The following PPP2R2A variants were observed in gnomAD, a reference collection of about 807,000 sequenced individuals.
The protein encoded by PPP2R2A is serine/threonine-protein phosphatase 2A 55 kDa regulatory subunit B alpha isoform.
Under a neutral mutation model 53.2 loss-of-function variants are expected in PPP2R2A, and 9 were observed. That is an observed-to-expected ratio of 0.17 (90% CI 0.10 to 0.30). The LOEUF is 0.30. PPP2R2A is among the 10% of genes least tolerant of loss of function. The pLI is 1.00. For synonymous variants in PPP2R2A, 169 were observed against 174.2 expected (o/e 0.97, Z 0.23); for missense variants, 235 against 534.6 (o/e 0.44, Z 5.53).
chr8:26,332,559 C>T (rs1803441755), intron 2 of PPP2R2A, among the ~76,000 whole-genome samples: 1 of 151,934 alleles, frequency 6.6e-6, no homozygotes, highest in Non-Finnish European at 1.5e-5. Flanking sequence ...TAGGATACTC[C>T]TTTGATTTTT....
intron 7 of PPP2R2A, chr8:26,363,105 T>G (rs1027930318): frequency 1.8e-5 from 6 of 331,586 alleles, no homozygotes; most frequent in Non-Finnish European, 3.3e-5. Flanking sequence ...TAACTTGCGG[T>G]TGGGCTCTGT....
At chr8:26,325,591 A>C (rs536263709) in intron 2 of PPP2R2A, among the ~76,000 whole-genome samples, 337 of 152,342 alleles carry the variant, frequency 2.2e-3, no homozygotes, top group Non-Finnish European at 3.7e-3. Context: ...ATTCAGCTGC[A>C]TAAGTACCTG....
intron 2 of PPP2R2A, among the ~76,000 whole-genome samples, chr8:26,331,141 C>CT (rs1803354009): frequency 6.6e-6 from 1 of 152,158 alleles, no homozygotes; most frequent in Admixed American, 6.5e-5. Context: ...GTTGTAGCTG[C>CT]TTTAACCTCT....
chr8:26,355,464 GAATTCCTGGGCTCA>G (rs1804727110), intron 4 of PPP2R2A, among the ~76,000 whole-genome samples: 1 of 152,182 alleles, frequency 6.6e-6, no homozygotes, highest in East Asian at 1.9e-4. Context: ...GGCTGGTCTT[GAATTCCTGGGCTCA>G]AGCAGTCTGC....
intron 2 of PPP2R2A, among the ~76,000 whole-genome samples, chr8:26,331,997 G>A (rs1348796036): frequency 6.6e-6 from 1 of 152,114 alleles, no homozygotes; most frequent in African/African-American, 2.4e-5. Flanking sequence ...AGCATCTTAA[G>A]GAATGGATCC....
In PPP2R2A at chr8:26,360,441, A is replaced by C. The variant is rs1321299664; in HGVS notation, c.459+160A>C. On this transcript the variant is annotated intron_variant, in intron 5 of 9. Transcript: ENST00000380737. This position sits in a 1 kb window ranked among gnomAD's most constrained non-coding sequence, Gnocchi z 4.5. ...ATTGAGTAACTCATTTAAACATAGA[A>C]ACTGACCTACATAGAGGTCTCACTT... 6.6e-6 allele frequency among the ~76,000 whole-genome samples: 1 copy of C among 152,206 alleles called. No individual in the cohort carries two copies. The highest frequency in any genetic ancestry group is 2.4e-5 in the African/African-American group (1 of 41,462).
rs764825800 is a variant in PPP2R2A at position 26,370,440 on chromosome 8, A to G, written c.*27A>G. 1 of 1,606,700 alleles carries G rather than the reference A, an allele frequency of 6.2e-7. No individual in the cohort carries two copies. The highest frequency in any genetic ancestry group is 1.1e-5 in the South Asian group (1 of 90,744). ...GTTGGCATTCCTAGCAGAAGAACCC[A>G]CTTCCTGCTTAGTTGAGATAGTTGA... is the stretch of plus-strand genomic sequence containing the variant. On this transcript the variant is annotated 3_prime_UTR_variant, in exon 10 of 10. Coordinates refer to ENST00000380737, the MANE Select transcript of PPP2R2A (RefSeq NM_002717.4). The surrounding 1 kb of genome is among the most constrained non-coding windows in gnomAD (Gnocchi z 6.1).
At chr8:26,349,473 C>T (rs1563315592) in intron 3 of PPP2R2A, among the ~76,000 whole-genome samples, 2 of 152,164 alleles carry the variant, frequency 1.3e-5, no homozygotes, top group Non-Finnish European at 2.9e-5. Context: ...TCTCTGAGGT[C>T]CCATTTTCAG....
At chr8:26,308,731 T>C (rs1361599639) in intron 2 of PPP2R2A, among the ~76,000 whole-genome samples, 3 of 152,216 alleles carry the variant, frequency 2.0e-5, no homozygotes, top group South Asian at 2.1e-4. Context: ...TATTTTGACA[T>C]CCTCCCATGA....
chr8:26,357,283 A>AACC (rs1804834951), intron 4 of PPP2R2A, among the ~76,000 whole-genome samples: 4 of 105,146 alleles, frequency 3.8e-5, no homozygotes, highest in Non-Finnish European at 8.0e-5. Flanking sequence ...GCATAGTAAC[A>AACC]CCCCCCCCCC....
chr8:26,331,543 CA>C (rs1221714878), intron 2 of PPP2R2A, among the ~76,000 whole-genome samples: 2 of 151,994 alleles, frequency 1.3e-5, no homozygotes, highest in Non-Finnish European at 2.9e-5. Context: ...TGAAATATAA[CA>C]AAAAGTAGAG....
intron 3 of PPP2R2A, 112 bp downstream of exon 3, chr8:26,339,099 T>G: frequency 2.5e-6 from 2 of 797,508 alleles, no homozygotes; most frequent in East Asian, 2.5e-5. Flanking sequence ...AAGTGTGTGT[T>G]TATTGAATAC....
chr8:26,297,947 C>G (rs764640048), intron 2 of PPP2R2A, among the ~76,000 whole-genome samples: 1 of 151,958 alleles, frequency 6.6e-6, no homozygotes, highest in African/African-American at 2.4e-5. Context: ...AAAATACATT[C>G]AAAATTAAGC....
rs1585311231 is a variant in PPP2R2A, at chr8:26,291,513, A to C, written c.-307A>C. 1 of 258,216 alleles carries C rather than the reference A, an allele frequency of 3.9e-6. No individual in the cohort carries two copies. Among genetic ancestry groups the C allele is most frequent in the Non-Finnish European group, 7.5e-6 (1 of 133,118 alleles). 16.0% of individuals were successfully genotyped at this position (258,216 alleles called of 1,614,324 possible). A position where few individuals can be genotyped will look rare whatever the true frequency, so the allele number is the denominator to read the frequency against. Reference sequence around the variant, plus strand: ...CCTAGGTGACGTCACTGGCCAGGCCAGCCGGCGCCATTTTGAAAGTGGAGT... The same window carrying C: ...CCTAGGTGACGTCACTGGCCAGGCCCGCCGGCGCCATTTTGAAAGTGGAGT... On this transcript the variant is annotated 5_prime_UTR_variant, in exon 1 of 10. Transcript: ENST00000380737.
intron 6 of PPP2R2A, 27 bp downstream of exon 6, chr8:26,361,178 T>C (rs1563323930): frequency 2.6e-6 from 4 of 1,547,592 alleles, no homozygotes; most frequent in African/African-American, 1.4e-5. Flanking sequence ...CTTTGGTGTT[T>C]GGTGAAGAAG....
chr8:26,320,602 A>G (rs538688828), intron 2 of PPP2R2A, among the ~76,000 whole-genome samples: 1 of 152,276 alleles, frequency 6.6e-6, no homozygotes, highest in South Asian at 2.1e-4. Flanking sequence ...AACTCTGGCT[A>G]GTTTATCCTG....
Position 26,362,974 on chromosome 8 carries a change from C to T in PPP2R2A, c.802+126C>T. The stretch of plus-strand genomic sequence containing the variant: ...ACCCGTGTGTCCAGAGCCACTTGTA[C>T]CCTTGGTAATCTGCCTACCTCCTCA... On this transcript the variant is annotated intron_variant, in intron 7 of 9. Coordinates refer to ENST00000380737, the MANE Select transcript of PPP2R2A (RefSeq NM_002717.4). This position sits in a 1 kb window ranked among gnomAD's most constrained non-coding sequence, Gnocchi z 4.4. The T allele has an allele frequency of 1.2e-6, 1 of 864,372 alleles. No individual in the cohort carries two copies. Among genetic ancestry groups the T allele is most frequent in the Non-Finnish European group, 1.7e-6 (1 of 572,382 alleles). 53.5% of individuals were successfully genotyped at this position (864,372 alleles called of 1,614,324 possible).
In PPP2R2A at chr8:26,354,015, A is replaced by G. The variant is rs1804648653; in HGVS notation, c.181-453A>G. Among the ~76,000 whole-genome samples, 1 of 152,188 alleles carries G rather than the reference A, an allele frequency of 6.6e-6. No individual in the cohort carries two copies. The highest frequency in any genetic ancestry group is 1.5e-5 in the Non-Finnish European group (1 of 68,036). On this transcript the variant is annotated intron_variant, in intron 3 of 9. Coordinates refer to ENST00000380737, the MANE Select transcript of PPP2R2A (RefSeq NM_002717.4). This position sits in a 1 kb window ranked among gnomAD's most constrained non-coding sequence, Gnocchi z 4.6. ...GGGCAGCAGAAAGGAAAAGGACAAT[A>G]CATCATATTAAATAACAGATCGGGG...
chr8:26,358,656 A>T (rs1585403966), intron 4 of PPP2R2A, among the ~76,000 whole-genome samples: 2 of 152,276 alleles, frequency 1.3e-5, no homozygotes, highest in East Asian at 3.9e-4. Context: ...AAATGGCTTT[A>T]TATACTGTTA....
Sources: gnomAD v4.1 joint callset for allele counts (sites outside exome capture counted in the v4.1 genomes callset) on GRCh38, gnomAD v4.1.1 for gene constraint, Gnocchi (gnomAD v3.1) non-coding constraint, MANE v1.5 for transcripts, NCBI Gene and HGNC (gene_info 2026-07-23, HGNC 2026-07-21) for gene names.